The following PRKDC variants were observed in gnomAD, a reference collection of about 807,000 sequenced individuals.
The protein encoded by PRKDC is protein kinase, DNA-activated, catalytic subunit, also known as DNA-dependent protein kinase catalytic subunit.
A neutral mutation model predicts 486.9 loss-of-function variants in PRKDC; 82 were observed. The observed-to-expected ratio is 0.17, with a 90% CI of 0.14 to 0.20. The LOEUF (loss-of-function observed/expected upper bound fraction) is 0.20, where lower values mean the gene tolerates loss of function less well. PRKDC is among the 10% of genes least tolerant of loss of function. PRKDC has a pLI of 1.00. For missense variants in PRKDC, 4,504 were observed against 5,038.2 expected (o/e 0.89, Z 3.21); for synonymous variants, 1,895 against 1,837.0 (o/e 1.03, Z -0.81).
chr8:47,848,878 A>G (rs1447954668), intron 54 of PRKDC, among the ~76,000 whole-genome samples: 1 of 152,244 alleles, frequency 6.6e-6, no homozygotes, highest in Non-Finnish European at 1.5e-5. Flanking sequence ...ATCTGAAGAG[A>G]GCCAAGGTAA....
chr8:47,799,062 C>A, intron 72 of PRKDC, 148 bp downstream of exon 72: 1 of 1,059,440 alleles, frequency 9.4e-7, no homozygotes, highest in South Asian at 1.7e-5. Context: ...CCACTGCACC[C>A]GGCTGCCATT....
Position 47,935,816 on chromosome 8 carries a change from G to C in PRKDC, c.1363C>G (p.Leu455Val), listed in dbSNP as rs1027150267. The part of the protein sequence containing the change: ...SFPQYSPKMQ[L>V]VCCRAIVKVF... The stretch of plus-strand genomic sequence containing the variant: ...TTCACTATGGCTCTGCAACACACCA[G>C]CTGCATTTTTGGACTGTACTGTGGG... The change falls in exon 13 of 86, where the codon CTG becomes GTG. Residue 455 changes from leucine (L) to valine (V), a missense_variant. Leu to Val is a conservative substitution (Grantham distance 32, BLOSUM62 1). This residue lies in a region of PRKDC where 1,969 missense variants were observed against 2,068.9 expected (regional missense o/e 0.95). Transcript: ENST00000314191. 1 of 1,613,970 alleles carries C rather than the reference G, an allele frequency of 6.2e-7. No homozygotes were observed. Among genetic ancestry groups the C allele is most frequent in the Admixed American group, 1.7e-5 (1 of 60,014 alleles).
chr8:47,821,640 TG>T lies in PRKDC; in HGVS notation c.9074del (p.Pro3025GlnfsTer3). 2 of 1,602,566 alleles carry T rather than the reference TG, an allele frequency of 1.2e-6. No individual in the cohort carries two copies. The highest frequency in any genetic ancestry group is 1.7e-6 in the Non-Finnish European group (2 of 1,173,496). On this transcript the variant is annotated frameshift_variant, in exon 65 of 86. Coordinates refer to ENST00000314191, the MANE Select transcript of PRKDC (RefSeq NM_006904.7). LOFTEE classifies it high-confidence loss of function. ...STASIDSENP[P>X]DLNKIWSEPF... is the part of the protein sequence containing the mutation. ...GTTCACTCCAGATTTTATTTAGGTC[TG>T]GGGGGTTCTCACTGTCTATACTGGC...
chr8:47,957,035 T>A, intron 3 of PRKDC, 136 bp downstream of exon 3: 1 of 420,042 alleles, frequency 2.4e-6, no homozygotes, highest in Non-Finnish European at 4.1e-6. Context: ...TGTAACACAA[T>A]GAAGCAGAAA....
At chr8:47,831,227 G>A (rs965389043) in intron 60 of PRKDC, among the ~76,000 whole-genome samples, 1 of 152,208 alleles carries the variant, frequency 6.6e-6, no homozygotes, top group Admixed American at 6.5e-5. Context: ...GCTTGGGGAG[G>A]GGGCCGGCAC....
chr8:47,883,055 CCT>C (rs1296569760), intron 36 of PRKDC, among the ~76,000 whole-genome samples: 1 of 152,214 alleles, frequency 6.6e-6, no homozygotes, highest in Non-Finnish European at 1.5e-5. Context: ...AGCACCTTCC[CCT>C]GTCTTGGCTC....
At chr8:47,866,492 A>C (rs2088819997) in intron 40 of PRKDC, among the ~76,000 whole-genome samples, 2 of 152,214 alleles carry the variant, frequency 1.3e-5, no homozygotes, top group African/African-American at 4.8e-5. Flanking sequence ...CTAAAAAGCT[A>C]AGATAGTAAG....
At chr8:47,819,661 C>G (rs2087539188) in intron 66 of PRKDC, among the ~76,000 whole-genome samples, 151 bp from the exon 67 acceptor site, 1 of 151,900 alleles carries the variant, frequency 6.6e-6, no homozygotes, top group South Asian at 2.1e-4. Flanking sequence ...AATTAGATCA[C>G]AGACAGTTAA....
chr8:47,890,323 G>A lies in PRKDC; in HGVS notation c.4005C>T (p.Cys1335=). The change falls in exon 32 of 86, where the codon TGC becomes TGT. Residue 1335 remains cysteine, a synonymous_variant. Transcript: ENST00000314191. ...QEGERYNYSK[C]TVVVRIMEFT... Reference sequence around the variant, plus strand: ...ACTCCATAATCCGGACCACAACGGTGCATTTGCTGTAGTTGTACCTTTCTC... The same window carrying A: ...ACTCCATAATCCGGACCACAACGGTACATTTGCTGTAGTTGTACCTTTCTC... The A allele has an allele frequency of 6.2e-7, 1 of 1,613,338 alleles. No individual in the cohort carries two copies. Among genetic ancestry groups the A allele is most frequent in the Non-Finnish European group, 8.5e-7 (1 of 1,179,816 alleles).
intron 19 of PRKDC, 110 bp from the exon 20 acceptor site, chr8:47,928,000 A>G (rs2090181722): frequency 1.9e-6 from 2 of 1,038,980 alleles, no homozygotes; most frequent in African/African-American, 3.3e-5. Context: ...CGTAGCCTTT[A>G]TTGACATGAC....
At chr8:47,856,018 T>C (rs1211221078) in intron 49 of PRKDC, among the ~76,000 whole-genome samples, 2 of 152,186 alleles carry the variant, frequency 1.3e-5, no homozygotes, top group Non-Finnish European at 2.9e-5. Context: ...TGAGTTCAGC[T>C]GAGCCACTGA....
At chr8:47,951,710 T>C (rs1199141107) in intron 7 of PRKDC, among the ~76,000 whole-genome samples, 3 of 131,244 alleles carry the variant, frequency 2.3e-5, no homozygotes, top group Non-Finnish European at 3.4e-5. Flanking sequence ...CAAGACCCTG[T>C]CTCCAAAAAA....
At chr8:47,783,246 C>A (rs2086727231) in intron 78 of PRKDC, among the ~76,000 whole-genome samples, 1 of 148,760 alleles carries the variant, frequency 6.7e-6, no homozygotes, top group Admixed American at 6.8e-5. Flanking sequence ...CCACTGCACT[C>A]CAGCCTGGCT....
chr8:47,908,368 A>T lies in PRKDC; in HGVS notation c.2935-3392T>A, dbSNP rs560985605. The stretch of plus-strand genomic sequence containing the variant: ...CATTTTAAAATCTGATCTCTTCAGT[A>T]GTATGTTGCACATTATACATGTTAC... On this transcript the variant is annotated intron_variant, in intron 25 of 85. Coordinates refer to ENST00000314191, the MANE Select transcript of PRKDC (RefSeq NM_006904.7). Among the ~76,000 whole-genome samples, 10 of 152,322 alleles carry T rather than the reference A, an allele frequency of 6.6e-5. No homozygotes were observed. The East Asian group carries it at 1.9e-3, about 29-fold the overall frequency.
intron 59 of PRKDC, among the ~76,000 whole-genome samples, chr8:47,833,223 A>T (rs2087929850): frequency 6.6e-6 from 1 of 152,252 alleles, no homozygotes; most frequent in Non-Finnish European, 1.5e-5. Flanking sequence ...ACTGAAAAGT[A>T]TGAGAGAGTG....
chr8:47,852,254 T>A (rs1589742594), intron 52 of PRKDC, among the ~76,000 whole-genome samples: 1 of 152,096 alleles, frequency 6.6e-6, no homozygotes, highest in Non-Finnish European at 1.5e-5. Context: ...ACTGAGAGGG[T>A]CGCCTGGGAG....
At position 47,936,493 on chromosome 8, in the gene PRKDC, C is replaced by G; in HGVS notation, c.1138G>C (p.Asp380His). The G allele has an allele frequency of 6.2e-7, 1 of 1,614,022 alleles. No homozygotes were observed. Among genetic ancestry groups the G allele is most frequent in the Non-Finnish European group, 8.5e-7 (1 of 1,179,902 alleles). The change falls in exon 12 of 86, where the codon GAT (aspartate) becomes CAT (histidine). Residue 380 changes from aspartate (D) to histidine (H), a missense_variant. Around this residue, in one of 6 missense-constraint regions of PRKDC, gnomAD observed 1,969 missense variants for 2,068.9 expected, o/e 0.95. Transcript: ENST00000314191. ...AGPCKVINAKDVDFMYVELIQ... is the reference protein window; with the variant it reads ...AGPCKVINAKHVDFMYVELIQ... ...AGCTCAACGTACATGAAGTCAACAT[C>G]TTTTGCGTTTATAACCTTGCACGGC...
At chr8:47,815,734 C>T (rs2087429016) in intron 68 of PRKDC, among the ~76,000 whole-genome samples, 1 of 152,158 alleles carries the variant, frequency 6.6e-6, no homozygotes, top group African/African-American at 2.4e-5. Context: ...TATAATTTTG[C>T]AACCATTATT....
At position 47,813,486 on chromosome 8, in the gene PRKDC, C is replaced by T. The variant is rs115803496; in HGVS notation, c.9557+3964G>A. 4.8e-3 allele frequency among the ~76,000 whole-genome samples: 724 copies of T among 152,210 alleles called. 7 individuals carry two copies. The highest frequency in any genetic ancestry group is 0.017 in the African/African-American group (686 of 41,514). On this transcript the variant is annotated intron_variant, in intron 68 of 85. Transcript: ENST00000314191. The stretch of plus-strand genomic sequence containing the variant: ...ATTATATACATTATCAAAAATCTTC[C>T]CCAAGGGAAAACCCATGCCCAAATA...
Sources: allele counts gnomAD v4.1 joint callset (sites outside exome capture counted in the v4.1 genomes callset), GRCh38; gene constraint gnomAD v4.1.1; regional missense constraint gnomAD v4.1.1; transcripts MANE v1.5; gene names NCBI Gene and HGNC (gene_info 2026-07-23, HGNC 2026-07-21).